The following NBAS variants were observed in gnomAD, a reference collection of about 807,000 sequenced individuals.
NBAS encodes the protein NAG/BC035112 fusion.
In NBAS, 219 loss-of-function variants were observed where a neutral mutation model predicts 302.5. The ratio of observed to expected loss-of-function variants is 0.72; its 90% CI spans 0.65 to 0.81. The LOEUF is 0.81. Among genes scored for constraint, NBAS ranks in the 30% least tolerant of loss-of-function variants. NBAS has a pLI of 0.00. For missense variants in NBAS, 2,932 were observed against 2,841.6 expected (o/e 1.03, Z -0.72); for synonymous variants, 1,118 against 1,021.6 (o/e 1.09, Z -1.80).
At chr2:14,809,179 G>A in the NBAS span, among the ~76,000 whole-genome samples, 1 of 152,238 alleles carries the variant, frequency 6.6e-6, no homozygotes, top group Non-Finnish European at 1.5e-5. Context: ...TTTCTGAGGA[G>A]AAATTCAAGC....
intron 21 of NBAS, among the ~76,000 whole-genome samples, chr2:15,429,624 T>C (rs972313709): frequency 7.2e-5 from 11 of 152,158 alleles, no homozygotes; most frequent in African/African-American, 2.7e-4. Flanking sequence ...GCAGTTATTA[T>C]TATTGGGGCA....
At chr2:15,437,155 C>G (rs1422235493) in intron 21 of NBAS, among the ~76,000 whole-genome samples, 45 of 152,104 alleles carry the variant, frequency 3.0e-4, no homozygotes, top group Non-Finnish European at 4.9e-4. Context: ...ACAGGTGACT[C>G]TTCGCCTGTG....
intron 44 of NBAS, among the ~76,000 whole-genome samples, chr2:15,273,935 A>C (rs892317899): frequency 6.6e-6 from 1 of 151,598 alleles, no homozygotes; most frequent in African/African-American, 2.4e-5. Flanking sequence ...AAAAAAAATT[A>C]GCCAGGCATG....
chr2:15,499,289 G>C (rs1002680354), intron 11 of NBAS, among the ~76,000 whole-genome samples: 1 of 152,094 alleles, frequency 6.6e-6, no homozygotes, highest in Admixed American at 6.5e-5. Flanking sequence ...AAATCGTTCT[G>C]TCATAAAGAC....
At chr2:14,821,185 G>A in the NBAS span, among the ~76,000 whole-genome samples, 974 of 152,068 alleles carry the variant, frequency 6.4e-3, 20 homozygotes, top group East Asian at 0.039. Context: ...CTCGCCTCCC[G>A]AAGTGCTGGG....
intron 21 of NBAS, among the ~76,000 whole-genome samples, chr2:15,432,277 TA>T (rs199989865): frequency 0.012 from 1,721 of 140,676 alleles, 14 homozygotes; most frequent in African/African-American, 0.026. Flanking sequence ...CATCTCCACT[TA>T]AAAAAAAAAA....
chr2:15,436,884 T>C (rs1678043199), intron 21 of NBAS, among the ~76,000 whole-genome samples: 1 of 152,218 alleles, frequency 6.6e-6, no homozygotes, highest in South Asian at 2.1e-4. Context: ...ATTTAAAACT[T>C]ACTACATATT....
At chr2:15,355,313 A>G (rs1572708666) in intron 33 of NBAS, among the ~76,000 whole-genome samples, 1 of 151,896 alleles carries the variant, frequency 6.6e-6, no homozygotes, top group African/African-American at 2.4e-5. Flanking sequence ...AGAGCCCATG[A>G]TAAGAAAACA....
the NBAS span, among the ~76,000 whole-genome samples, chr2:14,790,649 C>CTTT: frequency 5.6e-5 from 7 of 124,408 alleles, no homozygotes; most frequent in East Asian, 2.2e-4. Flanking sequence ...GAATTCATGC[C>CTTT]TTTTTTTTTT....
At chr2:15,053,084 G>C in the NBAS span, among the ~76,000 whole-genome samples, 3 of 152,094 alleles carry the variant, frequency 2.0e-5, no homozygotes, top group African/African-American at 7.2e-5. Flanking sequence ...AGAAGAGATG[G>C]AGCATTTTTG....
At chr2:15,299,158 G>A (rs1670685365) in intron 40 of NBAS, among the ~76,000 whole-genome samples, 2 of 152,146 alleles carry the variant, frequency 1.3e-5, no homozygotes, top group South Asian at 4.1e-4. Flanking sequence ...TCCATATTCA[G>A]TATTCAAAGT....
chr2:15,328,373 G>T, intron 36 of NBAS, 61 bp from the exon 37 acceptor site: 1 of 1,393,126 alleles, frequency 7.2e-7, no homozygotes, highest in Non-Finnish European at 1.0e-6. Context: ...GGAGGTAGAA[G>T]AAGTAAAAGC....
intron 48 of NBAS, among the ~76,000 whole-genome samples, chr2:15,192,684 G>C (rs556815919): frequency 6.3e-4 from 96 of 152,206 alleles, no homozygotes; most frequent in African/African-American, 2.2e-3. Context: ...TCTTCCTGCA[G>C]GATAATCTCT....
chr2:15,121,756 C>T, the NBAS span, among the ~76,000 whole-genome samples: 2 of 150,434 alleles, frequency 1.3e-5, no homozygotes, highest in Non-Finnish European at 1.5e-5. Flanking sequence ...CCCGTTACTA[C>T]TTCAAACTTT....
chr2:15,270,398 C>G (rs1290505837), intron 44 of NBAS, among the ~76,000 whole-genome samples: 1 of 151,962 alleles, frequency 6.6e-6, no homozygotes, highest in Non-Finnish European at 1.5e-5. Flanking sequence ...CTCCTGACCT[C>G]GAGATCCACC....
the NBAS span, among the ~76,000 whole-genome samples, chr2:15,142,718 C>G: frequency 6.6e-6 from 1 of 152,196 alleles, no homozygotes; most frequent in Non-Finnish European, 1.5e-5. Flanking sequence ...CTCTCAAGTG[C>G]TCTCTGTCTA....
the NBAS span, among the ~76,000 whole-genome samples, chr2:14,869,748 T>C: frequency 5.3e-5 from 8 of 152,272 alleles, no homozygotes; most frequent in Non-Finnish European, 1.0e-4. Context: ...GCTGCCCTTA[T>C]CCATTTACCA....
At chr2:15,241,077 G>A (rs1290381173) in intron 44 of NBAS, among the ~76,000 whole-genome samples, 1 of 152,110 alleles carries the variant, frequency 6.6e-6, no homozygotes, top group East Asian at 1.9e-4. Flanking sequence ...ACATTACACA[G>A]CTTCCACTCA....
the NBAS span, among the ~76,000 whole-genome samples, chr2:15,010,830 T>A: frequency 3.9e-5 from 6 of 152,120 alleles, no homozygotes; most frequent in Admixed American, 3.9e-4. Context: ...ATGGCAGAAA[T>A]AAGATTCGAG....
Sources: gnomAD v4.1 joint callset for allele counts (sites outside exome capture counted in the v4.1 genomes callset) on GRCh38, gnomAD v4.1.1 for gene constraint, MANE v1.5 for transcripts, NCBI Gene and HGNC (gene_info 2026-07-23, HGNC 2026-07-21) for gene names.